SCRN3: variants seen among roughly 807,000 people sequenced by gnomAD.
SCRN3 encodes the protein secernin 3, also known as secernin-3.
Under a neutral mutation model 43.1 loss-of-function variants are expected in SCRN3, and 39 were observed. That is an observed-to-expected ratio of 0.91 (90% CI 0.70 to 1.18). The LOEUF (loss-of-function observed/expected upper bound fraction) is 1.18, where lower values mean the gene tolerates loss of function less well. SCRN3 is among the 50% of genes most tolerant of loss of function. SCRN3 has a pLI of 0.00. For missense variants in SCRN3, 484 were observed against 498.0 expected (o/e 0.97, Z 0.27); for synonymous variants, 147 against 163.1 (o/e 0.90, Z 0.75).
chr2:174,404,162 C>T lies in SCRN3; in HGVS notation c.601C>T (p.Pro201Ser). ...SITTKIAREHPDMRNYAKRKG... is the reference protein window; with the variant it reads ...SITTKIAREHSDMRNYAKRKG... ...AACAACCAAGATTGCCCGGGAACAC[C>T]CAGACATGAGAAACTATGCTAAGCG... Residue 201 changes from proline (P) to serine (S), a missense_variant, in exon 5 of 8, where the codon CCA becomes TCA. By Grantham distance (74) the Pro-to-Ser change is moderately conservative. Transcript: ENST00000272732. The T allele has an allele frequency of 6.2e-7, 1 of 1,613,716 alleles. No individual in the cohort carries two copies. The highest frequency in any genetic ancestry group is 8.5e-7 in the Non-Finnish European group (1 of 1,179,820).
In SCRN3 at chr2:174,399,922, T is replaced by A; in HGVS notation, c.160T>A (p.Cys54Ser). ...GACTTTTTTTTTTTTTTTTTTACAGTGTACATATATAGAAATTGATCAAGT... is the reference window on the plus strand; with the variant it reads ...GACTTTTTTTTTTTTTTTTTTACAGAGTACATATATAGAAATTGATCAAGT... ...VHDNLGERLK[C>S]TYIEIDQVPE... Residue 54 changes from cysteine (C) to serine (S), a missense_variant and splice_region_variant, in exon 3 of 8, where the codon TGT (cysteine) becomes AGT (serine). Cys to Ser is a moderately radical substitution (Grantham distance 112). Coordinates refer to ENST00000272732, the MANE Select transcript of SCRN3 (RefSeq NM_024583.5). The A allele has an allele frequency of 1.5e-6, 2 of 1,353,340 alleles. No homozygotes were observed. Among genetic ancestry groups the A allele is most frequent in the Non-Finnish European group, 1.9e-6 (2 of 1,031,622 alleles). 83.8% of individuals were successfully genotyped at this position (1,353,340 alleles called of 1,614,324 possible).
chr2:174,421,015 G>C (rs1213425100), intron 5 of SCRN3, among the ~76,000 whole-genome samples: 3 of 151,974 alleles, frequency 2.0e-5, no homozygotes, highest in African/African-American at 7.3e-5. Context: ...GCCACACCTA[G>C]GCCCATCATA....
chr2:174,413,739 T>C (rs1025824313), intron 5 of SCRN3, among the ~76,000 whole-genome samples: 1 of 151,922 alleles, frequency 6.6e-6, no homozygotes, highest in African/African-American at 2.4e-5. Flanking sequence ...TACAGGCACA[T>C]GTCACCATGC....
Position 174,401,207 on chromosome 2 carries a change from T to G in SCRN3, c.541+18T>G. 4 of 1,599,030 alleles carry G rather than the reference T, an allele frequency of 2.5e-6. No homozygotes were observed. The highest frequency in any genetic ancestry group is 3.4e-6 in the Non-Finnish European group (4 of 1,167,012). Reference sequence around the variant, plus strand: ...AGTACAAGGTATGGACAACTTTTTGTGATTTAACTTGTTTTTGCAATTAAT... The same window carrying G: ...AGTACAAGGTATGGACAACTTTTTGGGATTTAACTTGTTTTTGCAATTAAT... On this transcript the variant is annotated intron_variant, in intron 4 of 7. Transcript: ENST00000272732.
In SCRN3 at chr2:174,404,192, G is replaced by C; in HGVS notation, c.631G>C (p.Gly211Arg). The change falls in exon 5 of 8, where the codon GGT becomes CGT. Residue 211 changes from glycine (G) to arginine (R), a missense_variant. Physicochemically the swap from Gly to Arg is moderately radical, Grantham distance 125 (BLOSUM62 -2). Transcript: ENST00000272732. ...PDMRNYAKRK[G>R]WWDGKKEFDF... ...CATGAGAAACTATGCTAAGCGGAAA[G>C]GTTGGTGGGATGGTAAAAAGGAGTT... 2 of 1,613,902 alleles carry C rather than the reference G, an allele frequency of 1.2e-6. No individual in the cohort carries two copies. Among genetic ancestry groups the C allele is most frequent in the South Asian group, 1.1e-5 (1 of 91,076 alleles).
chr2:174,400,739 A>C (rs1353315776), intron 3 of SCRN3, among the ~76,000 whole-genome samples: 1 of 152,216 alleles, frequency 6.6e-6, no homozygotes, highest in African/African-American at 2.4e-5. Flanking sequence ...GAGATATCTG[A>C]GGTTCAGAGA....
At chr2:174,406,220 A>C (rs1266683583) in intron 5 of SCRN3, among the ~76,000 whole-genome samples, 3 of 137,876 alleles carry the variant, frequency 2.2e-5, no homozygotes, top group Admixed American at 1.4e-4. Flanking sequence ...CTTTGAAGCA[A>C]TTGTGAATGG....
At chr2:174,399,081 C>G (rs1039136425) in intron 2 of SCRN3, among the ~76,000 whole-genome samples, 2 of 152,130 alleles carry the variant, frequency 1.3e-5, no homozygotes, top group Non-Finnish European at 2.9e-5. Context: ...CCTTTAAAAA[C>G]TTATTTTAAA....
chr2:174,417,031 A>G (rs1686135614), intron 5 of SCRN3, among the ~76,000 whole-genome samples: 1 of 152,246 alleles, frequency 6.6e-6, no homozygotes, highest in Non-Finnish European at 1.5e-5. Context: ...TCTTAATGTT[A>G]TAGTTTAATA....
At chr2:174,422,780 G>C (rs1055331006) in intron 5 of SCRN3, 105 bp from the exon 6 acceptor site, 14 of 636,946 alleles carry the variant, frequency 2.2e-5, no homozygotes, top group Non-Finnish European at 2.6e-5. Context: ...CTTAATTTAT[G>C]TCAAGACTAA....
chr2:174,404,264 A>C lies in SCRN3; in HGVS notation c.703A>C (p.Thr235Pro). Residue 235 changes from threonine to proline, a missense_variant, in exon 5 of 8, where the codon ACT (threonine) becomes CCT (proline). Transcript: ENST00000272732. ...CTATCTTGACACAGCCAAGATGATG[A>C]CTTCATCAGGCAGATACTGTGAGGG... ...YSYLDTAKMMTSSGRYCEGYK... is the reference protein window; with the variant it reads ...YSYLDTAKMMPSSGRYCEGYK... The C allele has an allele frequency of 5.6e-6, 9 of 1,613,866 alleles. No individual in the cohort carries two copies. The highest frequency in any genetic ancestry group is 7.6e-6 in the Non-Finnish European group (9 of 1,179,806).
intron 1 of SCRN3, chr2:174,396,039 C>CA: frequency 7.7e-7 from 1 of 1,300,586 alleles, no homozygotes; most frequent in East Asian, 2.9e-5. Context: ...ACTCGAGCTG[C>CA]AAAAGCTTTT....
At chr2:174,401,515 G>A (rs1273524310) in intron 4 of SCRN3, among the ~76,000 whole-genome samples, 2 of 152,150 alleles carry the variant, frequency 1.3e-5, no homozygotes, top group South Asian at 2.1e-4. Flanking sequence ...ACTTTGGGCT[G>A]CACTCCAAAA....
intron 5 of SCRN3, among the ~76,000 whole-genome samples, chr2:174,414,823 G>A (rs1410802700): frequency 6.7e-6 from 1 of 148,958 alleles, no homozygotes; most frequent in Non-Finnish European, 1.5e-5. Flanking sequence ...GAATGCAGTG[G>A]CACCATCTCA....
intron 5 of SCRN3, among the ~76,000 whole-genome samples, chr2:174,422,510 AT>A (rs1237707759): frequency 2.7e-5 from 4 of 150,294 alleles, no homozygotes; most frequent in Non-Finnish European, 5.9e-5. Flanking sequence ...GGAGACAGAG[AT>A]TGCAGTGAGC....
Position 174,422,968 on chromosome 2 carries a change from G to C in SCRN3, c.838G>C (p.Ala280Pro), listed in dbSNP as rs1686345030. The change falls in exon 6 of 8, where the codon GCA (alanine) becomes CCA (proline). Residue 280 changes from alanine to proline, a missense_variant. Ala to Pro is a conservative substitution (Grantham distance 27, BLOSUM62 -1). Coordinates refer to ENST00000272732, the MANE Select transcript of SCRN3 (RefSeq NM_024583.5). ...INMEGEFLTT[A>P]SMVSILPQDS... The stretch of plus-strand genomic sequence containing the variant: ...TATGGAGGGAGAATTCCTGACCACT[G>C]CAAGCATGGTTTCTATTTTACCTCA... 2 of 1,613,136 alleles carry C rather than the reference G, an allele frequency of 1.2e-6. No homozygotes were observed. The highest frequency in any genetic ancestry group is 1.7e-6 in the Non-Finnish European group (2 of 1,179,134).
intron 5 of SCRN3, among the ~76,000 whole-genome samples, chr2:174,407,703 TC>T (rs1345364516): frequency 0.17 from 21,101 of 121,242 alleles, 1,490 homozygotes; most frequent in Middle Eastern, 0.33. Context: ...ATTTCTGCCT[TC>T]ATTTCGTTAT....
At position 174,399,004 on chromosome 2, in the gene SCRN3, C is replaced by T. The variant is rs1410879433; in HGVS notation, c.159+562C>T. On this transcript the variant is annotated intron_variant, in intron 2 of 7. Transcript: ENST00000272732. ...ACACATCAAAAAAGGTTTATTAGGC[C>T]CTATGTTAACACTATCAATATACAT... 6.6e-5 allele frequency among the ~76,000 whole-genome samples: 10 copies of T among 152,142 alleles called. No individual in the cohort carries two copies. The South Asian group carries it at 2.1e-3, about 32-fold the overall frequency.
intron 5 of SCRN3, among the ~76,000 whole-genome samples, chr2:174,415,279 T>A (rs1686064777): frequency 6.6e-6 from 1 of 152,166 alleles, no homozygotes; most frequent in Admixed American, 6.5e-5. Flanking sequence ...TTATAAATTT[T>A]GTAGGCAAAA....
Sources: allele counts gnomAD v4.1 joint callset (sites outside exome capture counted in the v4.1 genomes callset), GRCh38; gene constraint gnomAD v4.1.1; transcripts MANE v1.5; gene names NCBI Gene and HGNC (gene_info 2026-07-23, HGNC 2026-07-21).